PLCB4: variants seen among roughly 807,000 people sequenced by gnomAD.
PLCB4 encodes the protein phospholipase C beta 4.
PLCB4 carries 77 observed loss-of-function variants against 178.8 expected under a neutral mutation model. The observed-to-expected ratio is 0.43, with a 90% CI of 0.36 to 0.52. PLCB4 has a LOEUF of 0.52. Ranked by LOEUF, PLCB4 falls within the 20% of genes least tolerant of loss-of-function variation. The pLI is 0.00. For synonymous variants in PLCB4, 496 were observed against 490.8 expected (o/e 1.01, Z -0.14); for missense variants, 1,024 against 1,453.4 (o/e 0.70, Z 4.80).
chr20:9,079,236 G>A (rs1200997327), intron 1 of PLCB4, among the ~76,000 whole-genome samples: 1 of 152,184 alleles, frequency 6.6e-6, no homozygotes, highest in East Asian at 1.9e-4. Context: ...GCCCTGCTGG[G>A]GAACAGATGG....
intron 2 of PLCB4, among the ~76,000 whole-genome samples, chr20:9,161,082 AGTG>A (rs1303417941): frequency 6.6e-6 from 1 of 152,174 alleles, no homozygotes; most frequent in Non-Finnish European, 1.5e-5. Context: ...TTTTTGAGAC[AGTG>A]GTTATTTGAG....
chr20:9,354,663 C>A (rs2034633806), intron 7 of PLCB4, among the ~76,000 whole-genome samples: 1 of 152,192 alleles, frequency 6.6e-6, no homozygotes, highest in African/African-American at 2.4e-5. Context: ...TGGTGGAGTT[C>A]TTCATGGTAT....
chr20:9,207,158 C>T (rs145336971), intron 2 of PLCB4, among the ~76,000 whole-genome samples: 2 of 152,194 alleles, frequency 1.3e-5, no homozygotes, highest in African/African-American at 2.4e-5. Context: ...CCAAAACAAA[C>T]GATACCACAA....
At chr20:9,074,507 G>T (rs909238430) in intron 1 of PLCB4, among the ~76,000 whole-genome samples, 13 of 152,052 alleles carry the variant, frequency 8.5e-5, no homozygotes. Context: ...GGGGTAGATG[G>T]CATTGACCTT....
intron 1 of PLCB4, among the ~76,000 whole-genome samples, chr20:9,093,574 G>A (rs1428370743): frequency 6.6e-6 from 1 of 151,912 alleles, no homozygotes; most frequent in Non-Finnish European, 1.5e-5. Flanking sequence ...TTATTTTCTT[G>A]TTTTTAATCA....
At chr20:9,393,970 T>C (rs1326010647) in intron 18 of PLCB4, among the ~76,000 whole-genome samples, 3 of 152,184 alleles carry the variant, frequency 2.0e-5, no homozygotes, top group Non-Finnish European at 4.4e-5. Context: ...TCTCAAGATA[T>C]AAGGAACCAG....
chr20:9,180,611 A>T (rs1038237948), intron 2 of PLCB4, among the ~76,000 whole-genome samples: 24 of 152,296 alleles, frequency 1.6e-4, no homozygotes, highest in Non-Finnish European at 3.2e-4. Flanking sequence ...TGCCTTTCAC[A>T]CAAAGGTGGG....
intron 25 of PLCB4, among the ~76,000 whole-genome samples, chr20:9,417,876 C>T (rs931800965): frequency 6.6e-6 from 1 of 152,120 alleles, no homozygotes; most frequent in African/African-American, 2.4e-5. Context: ...TGTTATCTGA[C>T]TCATTAATTA....
chr20:9,221,367 C>T (rs1030887730), intron 3 of PLCB4, among the ~76,000 whole-genome samples: 5 of 152,016 alleles, frequency 3.3e-5, no homozygotes, highest in East Asian at 1.9e-4. Flanking sequence ...GAAGCAGCTT[C>T]GGTGGTTGAA....
intron 30 of PLCB4, among the ~76,000 whole-genome samples, chr20:9,438,138 G>A (rs1267913025): frequency 3.3e-5 from 5 of 151,980 alleles, no homozygotes; most frequent in East Asian, 1.9e-4. Flanking sequence ...AGGCCGAAGC[G>A]GGCAGATCAT....
intron 2 of PLCB4, among the ~76,000 whole-genome samples, chr20:9,173,724 T>G (rs529150916): frequency 6.6e-6 from 1 of 152,310 alleles, no homozygotes; most frequent in South Asian, 2.1e-4. Flanking sequence ...TTTTTGTGAT[T>G]ACATTGAGCC....
At chr20:9,396,486 C>T (rs2038595338) in intron 19 of PLCB4, among the ~76,000 whole-genome samples, 1 of 152,122 alleles carries the variant, frequency 6.6e-6, no homozygotes. Context: ...GTGCTATTAC[C>T]TTCTCTTTTA....
intron 3 of PLCB4, among the ~76,000 whole-genome samples, chr20:9,229,771 G>A (rs559906425): frequency 5.3e-5 from 8 of 152,116 alleles, no homozygotes; most frequent in African/African-American, 1.9e-4. Context: ...CATGTGCCAT[G>A]GTGGTTTGCT....
In PLCB4 at chr20:9,174,449, CTTCT is replaced by C. The variant is rs1202114089; in HGVS notation, c.-78-42938_-78-42935del. On this transcript the variant is annotated intron_variant, in intron 2 of 39. Transcript: ENST00000378473. Reference sequence around the variant, plus strand: ...TGTGAGCCACTGCACCTGGCCTATTCTTCTTTTTTTTTTTTTTCTTTTCAATTTT... The same window carrying C: ...TGTGAGCCACTGCACCTGGCCTATTCTTTTTTTTTTTTTCTTTTCAATTTT... Among the ~76,000 whole-genome samples the C allele has an allele frequency of 3.8e-3, 534 of 142,184 alleles. 5 individuals carry two copies. The highest frequency in any genetic ancestry group is 0.013 in the African/African-American group (505 of 37,786). The allele number at this position is 142,184 out of a possible 152,430, so 93.3% of individuals were successfully genotyped here. A position where few individuals can be genotyped will look rare whatever the true frequency, so the allele number is the denominator to read the frequency against.
chr20:9,278,864 C>G (rs77267763), intron 3 of PLCB4, among the ~76,000 whole-genome samples: 1 of 152,200 alleles, frequency 6.6e-6, no homozygotes, highest in African/African-American at 2.4e-5. Context: ...TCATTCATTT[C>G]TCTTCACTTG....
chr20:9,329,575 A>G (rs1425808856), intron 4 of PLCB4, among the ~76,000 whole-genome samples: 3 of 152,208 alleles, frequency 2.0e-5, no homozygotes, highest in African/African-American at 4.8e-5. Flanking sequence ...CCAGCTGAGC[A>G]TCAGTTACTG....
intron 28 of PLCB4, among the ~76,000 whole-genome samples, chr20:9,431,183 G>GTCCTTGGCAT (rs1320255052): frequency 2.0e-5 from 3 of 152,242 alleles, no homozygotes; most frequent in African/African-American, 7.2e-5. Context: ...GCTTCAGACA[G>GTCCTTGGCAT]TCCTTGGCAT....
intron 3 of PLCB4, among the ~76,000 whole-genome samples, chr20:9,277,879 T>C (rs964715126): frequency 6.6e-6 from 1 of 152,056 alleles, no homozygotes; most frequent in Non-Finnish European, 1.5e-5. Context: ...TTGCAAGTTT[T>C]GTTCACTTGA....
chr20:9,333,726 G>T (rs2032032578), intron 4 of PLCB4, among the ~76,000 whole-genome samples: 2 of 152,114 alleles, frequency 1.3e-5, no homozygotes, highest in Non-Finnish European at 2.9e-5. Context: ...ATTGGTTTGG[G>T]CCAAGGTGGG....
Sources: gnomAD v4.1 joint callset for allele counts (sites outside exome capture counted in the v4.1 genomes callset) on GRCh38, gnomAD v4.1.1 for gene constraint, MANE v1.5 for transcripts, NCBI Gene and HGNC (gene_info 2026-07-23, HGNC 2026-07-21) for gene names.